The following DIAPH2 variants were observed in gnomAD, a reference collection of about 807,000 sequenced individuals.
DIAPH2 encodes the protein protein diaphanous homolog 2.
DIAPH2 carries 35 observed loss-of-function variants against 92.7 expected under a neutral mutation model. That is an observed-to-expected ratio of 0.38 (90% confidence interval 0.29 to 0.50). The LOEUF (loss-of-function observed/expected upper bound fraction) is 0.50. Among genes scored for constraint, DIAPH2 ranks in the 20% least tolerant of loss-of-function variants. The pLI is 0.94. For synonymous variants in DIAPH2, 301 were observed against 280.4 expected (o/e 1.07, Z -0.73); for missense variants, 701 against 819.5 (o/e 0.86, Z 1.77).
intron 4 of DIAPH2, among the ~76,000 whole-genome samples, chrX:96,800,515 CTGA>C (rs1432258754): frequency 8.9e-6 from 1 of 111,893 alleles, no homozygotes; most frequent in African/African-American, 3.3e-5. Flanking sequence ...AAGGTTTTCA[CTGA>C]TGTTATATAC....
chrX:96,749,408 G>A (rs1602475660), intron 3 of DIAPH2, among the ~76,000 whole-genome samples: 1 of 110,209 alleles, frequency 9.1e-6, no homozygotes, highest in Non-Finnish European at 1.9e-5. Flanking sequence ...AAAAATAGGC[G>A]GTAATTAGAA....
chrX:96,859,650 TTTA>T (rs869064534), intron 4 of DIAPH2, among the ~76,000 whole-genome samples: 25 of 108,394 alleles, frequency 2.3e-4, no homozygotes, highest in Admixed American at 8.0e-4. Flanking sequence ...TATTTATTTA[TTTA>T]TTTTTTGAGA....
chrX:96,978,517 A>G (rs2065975719), intron 17 of DIAPH2, among the ~76,000 whole-genome samples: 1 of 110,606 alleles, frequency 9.0e-6, no homozygotes, highest in Non-Finnish European at 1.9e-5. Flanking sequence ...TTATAACAGA[A>G]AAATATCTCG....
At chrX:97,312,310 T>C (rs759485129) in intron 23 of DIAPH2, among the ~76,000 whole-genome samples, 110 of 107,511 alleles carry the variant, frequency 1.0e-3, no homozygotes, top group African/African-American at 3.6e-3. Flanking sequence ...CCATATGAAA[T>C]TGCCAATATT....
chrX:97,262,454 G>A (rs1281551833), intron 23 of DIAPH2, among the ~76,000 whole-genome samples: 1 of 112,130 alleles, frequency 8.9e-6, no homozygotes, highest in Non-Finnish European at 1.9e-5. Flanking sequence ...CAAGACCAGT[G>A]GCTGGATTGC....
At chrX:97,219,291 C>T (rs1346840916) in intron 22 of DIAPH2, among the ~76,000 whole-genome samples, 3 of 112,117 alleles carry the variant, frequency 2.7e-5, no homozygotes, top group Admixed American at 1.9e-4. Flanking sequence ...CATACATGCA[C>T]TTACGATTTT....
intron 22 of DIAPH2, among the ~76,000 whole-genome samples, chrX:97,242,016 C>T (rs190388907): frequency 9.1e-6 from 1 of 110,472 alleles, no homozygotes; most frequent in East Asian, 2.9e-4. Flanking sequence ...CCTTGTGATC[C>T]GCCCGCCTCG....
intron 21 of DIAPH2, among the ~76,000 whole-genome samples, chrX:97,139,444 G>GT (rs776846029): frequency 1.1e-3 from 110 of 100,953 alleles, no homozygotes; most frequent in South Asian, 3.9e-3. Context: ...GTCTCTGTGT[G>GT]TTTTTTTTTT....
chrX:97,398,798 A>G (rs1270402920), intron 25 of DIAPH2, among the ~76,000 whole-genome samples: 6 of 103,966 alleles, frequency 5.8e-5, no homozygotes, highest in African/African-American at 1.8e-4. Flanking sequence ...CTGGAGTGCA[A>G]TGGTGCGACC....
intron 26 of DIAPH2, among the ~76,000 whole-genome samples, chrX:97,508,477 T>A (rs2070853349): frequency 8.9e-6 from 1 of 112,580 alleles, no homozygotes; most frequent in Non-Finnish European, 1.9e-5. Flanking sequence ...ATTACACATC[T>A]AGTATAGAGA....
At chrX:97,069,479 AC>A (rs2066655197) in intron 17 of DIAPH2, among the ~76,000 whole-genome samples, 1 of 111,202 alleles carries the variant, frequency 9.0e-6, no homozygotes, top group African/African-American at 3.3e-5. Context: ...ATTCTTTATA[AC>A]ATTTATAAAG....
chrX:97,234,331 CAA>C (rs1182930277), intron 22 of DIAPH2, among the ~76,000 whole-genome samples: 2 of 31,195 alleles, frequency 6.4e-5, no homozygotes, highest in Non-Finnish European at 7.2e-5. Flanking sequence ...AACTCCATCT[CAA>C]AAAAAAAAAA....
At position 96,892,630 on chromosome X, in the gene DIAPH2, A is replaced by G. The variant is rs1001117378; in HGVS notation, c.587+10912A>G. On this transcript the variant is annotated intron_variant, in intron 5 of 26. Coordinates refer to ENST00000324765, the MANE Select transcript of DIAPH2 (RefSeq NM_006729.5). ...GGCACATGCAATGATATTACCTCTT[A>G]ATAGAAGCAAAGTAGATTTATGTGT... Among the ~76,000 whole-genome samples the G allele has an allele frequency of 2.7e-5, 3 of 111,891 alleles. No individual in the cohort carries two copies. The Admixed American group carries it at 2.9e-4, about 11-fold the overall frequency.
chrX:97,367,581 T>A (rs749462814), intron 24 of DIAPH2, among the ~76,000 whole-genome samples: 1 of 112,106 alleles, frequency 8.9e-6, no homozygotes, highest in African/African-American at 3.2e-5. Flanking sequence ...AAGAAAGATA[T>A]GAAATTGTAT....
chrX:97,196,386 A>G (rs755334438), intron 22 of DIAPH2, among the ~76,000 whole-genome samples: 18 of 112,523 alleles, frequency 1.6e-4, no homozygotes, highest in Non-Finnish European at 3.0e-4. Context: ...CAAGCAGGAT[A>G]TAACAGAAGA....
chrX:97,455,444 C>T (rs1357494425), intron 26 of DIAPH2, among the ~76,000 whole-genome samples: 1 of 111,826 alleles, frequency 8.9e-6, no homozygotes, highest in Non-Finnish European at 1.9e-5. Context: ...TGCCTTTGTT[C>T]GTTGACCCTT....
intron 24 of DIAPH2, among the ~76,000 whole-genome samples, chrX:97,382,191 A>G (rs954192745): frequency 2.0e-4 from 23 of 112,392 alleles, no homozygotes; most frequent in African/African-American, 7.4e-4. Context: ...CTTTTGAGTT[A>G]CAATTTTACT....
intron 25 of DIAPH2, among the ~76,000 whole-genome samples, chrX:97,408,531 A>G (rs1470678993): frequency 9.0e-6 from 1 of 111,467 alleles, no homozygotes; most frequent in Non-Finnish European, 1.9e-5. Flanking sequence ...AAAGTATGTA[A>G]TTAAGGTCTA....
chrX:97,542,336 G>C (rs779561816), intron 26 of DIAPH2, among the ~76,000 whole-genome samples: 1 of 112,011 alleles, frequency 8.9e-6, no homozygotes, highest in Non-Finnish European at 1.9e-5. Context: ...GAGGCTTATA[G>C]GAGAGTTTAA....
Sources: gnomAD v4.1 joint callset for allele counts (sites outside exome capture counted in the v4.1 genomes callset) on GRCh38, gnomAD v4.1.1 for gene constraint, MANE v1.5 for transcripts, NCBI Gene and HGNC (gene_info 2026-07-23, HGNC 2026-07-21) for gene names.